EFCAB5: variants seen among roughly 807,000 people sequenced by gnomAD.
The protein encoded by EFCAB5 is EF-hand calcium-binding domain-containing protein 5.
EFCAB5 carries 131 observed loss-of-function variants against 167.9 expected under a neutral mutation model. The ratio of observed to expected loss-of-function variants is 0.78; its 90% CI spans 0.68 to 0.90. The LOEUF (loss-of-function observed/expected upper bound fraction) is 0.90, where lower values mean the gene tolerates loss of function less well. Ranked by LOEUF, EFCAB5 falls within the 40% of genes least tolerant of loss-of-function variation. EFCAB5 has a pLI of 0.00. For missense variants in EFCAB5, 1,663 were observed against 1,745.2 expected (o/e 0.95, Z 0.84); for synonymous variants, 574 against 602.8 (o/e 0.95, Z 0.70).
At chr17:30,078,531 A>C in intron 15 of EFCAB5, 27 bp downstream of exon 15, 2 of 1,524,078 alleles carry the variant, frequency 1.3e-6, no homozygotes, top group Middle Eastern at 1.8e-4. Context: ...AGTATGTAAG[A>C]GGAAACATTT....
chr17:30,034,478 T>G, intron 8 of EFCAB5, 93 bp downstream of exon 8: 1 of 1,464,644 alleles, frequency 6.8e-7, no homozygotes, highest in Non-Finnish European at 9.1e-7. Flanking sequence ...GCTGGTGGAT[T>G]ACTTGAGCCC....
chr17:30,100,507 CCTGTAATCCCAGCACT>C (rs2071367258), intron 22 of EFCAB5, among the ~76,000 whole-genome samples: 1 of 152,130 alleles, frequency 6.6e-6, no homozygotes, highest in African/African-American at 2.4e-5. Context: ...GTGGCTCACG[CCTGTAATCCCAGCACT>C]CTGAGAGGCT....
chr17:30,025,492 T>C (rs2069293564), intron 7 of EFCAB5, among the ~76,000 whole-genome samples: 1 of 152,074 alleles, frequency 6.6e-6, no homozygotes, highest in African/African-American at 2.4e-5. Flanking sequence ...CCAGTTAGAA[T>C]GGCAATCATT....
intron 8 of EFCAB5, among the ~76,000 whole-genome samples, chr17:30,038,578 G>A (rs779890869): frequency 2.0e-5 from 3 of 152,294 alleles, no homozygotes; most frequent in Admixed American, 6.5e-5. Context: ...TCATTTTGAC[G>A]TTCAAGTCTT....
intron 1 of EFCAB5, among the ~76,000 whole-genome samples, chr17:29,935,361 G>A (rs2067236629): frequency 6.6e-6 from 1 of 152,040 alleles, no homozygotes; most frequent in South Asian, 2.1e-4. Context: ...GAATTTGAGA[G>A]CAGCCTGGGC....
intron 18 of EFCAB5, among the ~76,000 whole-genome samples, chr17:30,085,971 T>C (rs1394397426): frequency 6.6e-6 from 1 of 152,174 alleles, no homozygotes; most frequent in Non-Finnish European, 1.5e-5. Context: ...ATCATATTTT[T>C]AATTTGTTCC....
At chr17:30,083,436 C>T (rs1567767726) in intron 18 of EFCAB5, among the ~76,000 whole-genome samples, 1 of 152,164 alleles carries the variant, frequency 6.6e-6, no homozygotes, top group African/African-American at 2.4e-5. Flanking sequence ...CTAAAAGCAT[C>T]CTGTAAAAAG....
chr17:29,975,081 A>G (rs1230291436), intron 4 of EFCAB5, among the ~76,000 whole-genome samples: 1 of 152,020 alleles, frequency 6.6e-6, no homozygotes, highest in Non-Finnish European at 1.5e-5. Flanking sequence ...ATACAAAACT[A>G]AAAATATAAC....
In EFCAB5 at chr17:29,969,136, TACCC is replaced by T; in HGVS notation, c.540_543del (p.Thr181Ter). On this transcript the variant is annotated frameshift_variant, in exon 4 of 23. Coordinates refer to ENST00000394835, the MANE Select transcript of EFCAB5 (RefSeq NM_198529.4). LOFTEE classifies it high-confidence loss of function. ...ACTGCATATTTGCTTGACAAACTTC[TACCC>T]ACCTTAGTTCCTGGAGTAGAAAACA... The T allele has an allele frequency of 6.2e-7, 1 of 1,613,892 alleles. No homozygotes were observed. Among genetic ancestry groups the T allele is most frequent in the South Asian group, 1.1e-5 (1 of 91,064 alleles).
intron 7 of EFCAB5, among the ~76,000 whole-genome samples, chr17:30,016,762 C>T (rs894818368): frequency 6.6e-6 from 1 of 152,138 alleles, no homozygotes; most frequent in Non-Finnish European, 1.5e-5. Flanking sequence ...ACTTTTGGAT[C>T]AAAATCTTAT....
chr17:29,951,391 G>T (rs1026684967), intron 3 of EFCAB5, among the ~76,000 whole-genome samples: 1 of 152,110 alleles, frequency 6.6e-6, no homozygotes, highest in Non-Finnish European at 1.5e-5. Flanking sequence ...AGGCTGGAGT[G>T]CAGTGGGGCG....
chr17:29,932,614 C>G (rs2067211611), intron 1 of EFCAB5, among the ~76,000 whole-genome samples: 1 of 151,964 alleles, frequency 6.6e-6, no homozygotes, highest in Non-Finnish European at 1.5e-5. Context: ...TGCCACCACG[C>G]CCGGCTAATT....
chr17:30,080,741 C>CT lies in EFCAB5; in HGVS notation c.3198-7dup, dbSNP rs767202688. 6.4e-7 allele frequency: 1 copy of CT among 1,573,234 alleles called. No homozygotes were observed. Among genetic ancestry groups the CT allele is most frequent in the South Asian group, 1.2e-5 (1 of 86,898 alleles). On this transcript the variant is annotated splice_polypyrimidine_tract_variant and intron_variant, in intron 16 of 22. Coordinates refer to ENST00000394835, the MANE Select transcript of EFCAB5 (RefSeq NM_198529.4). The stretch of plus-strand genomic sequence containing the variant: ...TGTGCCTTTCTTCCATCCTCATACT[C>CT]TTTTTCCTCAGCTTTACAGTAGTGG...
At chr17:29,933,911 C>A (rs2067223758) in intron 1 of EFCAB5, among the ~76,000 whole-genome samples, 1 of 152,044 alleles carries the variant, frequency 6.6e-6, no homozygotes, top group South Asian at 2.1e-4. Context: ...ATTTGTACAG[C>A]ACACTGGGAT....
chr17:29,942,306 G>A lies in EFCAB5; in HGVS notation c.105+4G>A. 6.3e-7 allele frequency: 1 copy of A among 1,579,576 alleles called. No individual in the cohort carries two copies. Among genetic ancestry groups the A allele is most frequent in the Non-Finnish European group, 8.6e-7 (1 of 1,162,990 alleles). Reference sequence around the variant, plus strand: ...TGAAGTGAAAGAGCTTCATGAGGTAGAGTTGGCATGAATAAATCAGATATT... The same window carrying A: ...TGAAGTGAAAGAGCTTCATGAGGTAAAGTTGGCATGAATAAATCAGATATT... On this transcript the variant is annotated splice_donor_region_variant and intron_variant, in intron 2 of 22. Coordinates refer to ENST00000394835, the MANE Select transcript of EFCAB5 (RefSeq NM_198529.4).
intron 14 of EFCAB5, chr17:30,069,447 T>C: frequency 6.4e-7 from 1 of 1,562,104 alleles, no homozygotes; most frequent in South Asian, 1.1e-5. Flanking sequence ...ACGGAAAAGG[T>C]TTTGCAACAG....
In EFCAB5 at chr17:30,020,361, T is replaced by A. The variant is rs537950223; in HGVS notation, c.1045-13869T>A. 8.6e-5 allele frequency among the ~76,000 whole-genome samples: 13 copies of A among 151,348 alleles called. No individual in the cohort carries two copies. The South Asian group carries it at 2.7e-3, about 31-fold the overall frequency. ...GATTTTACCTATGCACTATTCTTTT[T>A]TTTTTTTTCTTTTTTTTTTTTGAGA... On this transcript the variant is annotated intron_variant, in intron 7 of 22. Coordinates refer to ENST00000394835, the MANE Select transcript of EFCAB5 (RefSeq NM_198529.4).
In EFCAB5 at chr17:29,992,868, C is replaced by A. The variant is rs148928090; in HGVS notation, c.768-297C>A. On this transcript the variant is annotated intron_variant, in intron 4 of 22. Transcript: ENST00000394835. ...TTAGTTTTTTGAGGAACCTCCCTAC[C>A]ATTTTCCACAATGGTTGTACTAATT... Among the ~76,000 whole-genome samples, 11 of 152,278 alleles carry A rather than the reference C, an allele frequency of 7.2e-5. No individual in the cohort carries two copies. In the East Asian group the frequency reaches 2.1e-3, roughly 29 times the overall value.
At chr17:30,033,500 T>C (rs1173540529) in intron 7 of EFCAB5, among the ~76,000 whole-genome samples, 1 of 152,164 alleles carries the variant, frequency 6.6e-6, no homozygotes. Context: ...TCCTGACCTA[T>C]CAAATTGGCA....
Sources: gnomAD v4.1 joint callset for allele counts (sites outside exome capture counted in the v4.1 genomes callset) on GRCh38, gnomAD v4.1.1 for gene constraint, MANE v1.5 for transcripts, NCBI Gene and HGNC (gene_info 2026-07-23, HGNC 2026-07-21) for gene names.